Variants in LPXN observed in about 807,000 individuals in gnomAD.
LPXN encodes leupaxin.
LPXN carries 28 observed loss-of-function variants against 45.6 expected under a neutral mutation model. That is an observed-to-expected ratio of 0.61 (90% CI 0.45 to 0.84). The LOEUF (loss-of-function observed/expected upper bound fraction) is 0.84, where lower values mean the gene tolerates loss of function less well. Among genes scored for constraint, LPXN ranks in the 40% least tolerant of loss-of-function variants. The pLI is 0.00. For synonymous variants in LPXN, 166 were observed against 169.9 expected, an observed-to-expected ratio of 0.98 and a Z score of 0.18; for missense variants, 459 against 475.0, an observed-to-expected ratio of 0.97 and a Z score of 0.31.
chr11:58,578,373 G>A (rs896390695), upstream of LPXN, among the ~76,000 whole-genome samples: 5 of 152,164 alleles, frequency 3.3e-5, no homozygotes, highest in Admixed American at 1.3e-4. Context: ...TTTTCCTAAA[G>A]CCTAGGCGAA....
intron 1 of LPXN, among the ~76,000 whole-genome samples, chr11:58,574,575 A>G (rs866985614): frequency 1.3e-5 from 2 of 152,024 alleles, no homozygotes; most frequent in African/African-American, 4.8e-5. Flanking sequence ...ATCCCCCCCA[A>G]AAAAAAGAAA....
intron 7 of LPXN, among the ~76,000 whole-genome samples, chr11:58,541,651 A>C (rs1253673383): frequency 6.7e-6 from 1 of 150,362 alleles, no homozygotes; most frequent in Non-Finnish European, 1.5e-5. Flanking sequence ...AGGGATCTAG[A>C]ACTAGAAATA....
intron 7 of LPXN, among the ~76,000 whole-genome samples, chr11:58,534,474 A>C (rs1005115566): frequency 6.6e-6 from 1 of 152,256 alleles, no homozygotes; most frequent in African/African-American, 2.4e-5. Flanking sequence ...TTTGAAGCCA[A>C]TGAAAACAAA....
chr11:58,578,157 A>G, upstream of LPXN: 1 of 1,411,224 alleles, frequency 7.1e-7, no homozygotes, highest in East Asian at 2.6e-5. Context: ...GATAAAAAGT[A>G]AGAAAAAGTA....
At chr11:58,556,973 G>T (rs1341119699) in intron 3 of LPXN, among the ~76,000 whole-genome samples, 14 of 152,088 alleles carry the variant, frequency 9.2e-5, no homozygotes, top group Non-Finnish European at 1.5e-5. Flanking sequence ...AATCATCAGG[G>T]AAATGCAAAT....
chr11:58,543,337 G>A (rs938363765), intron 7 of LPXN, among the ~76,000 whole-genome samples: 3 of 152,108 alleles, frequency 2.0e-5, no homozygotes, highest in Non-Finnish European at 4.4e-5. Flanking sequence ...ATCTGCTCCC[G>A]AGTATATTGC....
In LPXN at chr11:58,554,841, C is replaced by T; in HGVS notation, c.318G>A (p.Lys106=). 1.2e-6 allele frequency: 2 copies of T among 1,610,244 alleles called. No homozygotes were observed. The highest frequency in any genetic ancestry group is 1.1e-5 in the South Asian group (1 of 90,950). ...TGCACTCACCTTGGCCTGCACTCAC[C>T]TTGGCCTGCATCTCAGTCAGGTGAG... ...LMAHLTEMQA[K]VAVRADAGKK... is the part of the protein sequence containing the mutation. The change falls in exon 4 of 9, where the codon AAG becomes AAA. Residue 106 remains lysine (K), a splice_region_variant and synonymous_variant. Transcript: ENST00000395074.
chr11:58,527,667 G>GA lies in LPXN; in HGVS notation c.947dup (p.Cys317LeufsTer2), dbSNP rs769793702. 8 of 1,614,054 alleles carry GA rather than the reference G, an allele frequency of 5.0e-6. No individual in the cohort carries two copies. In the African/African-American group the frequency reaches 9.3e-5, roughly 19 times the overall value. ...GGCGGTGATGGTAATGGAGCTCACAGAATGGACGTCCATCCAGTTCAAAGA... is the reference window on the plus strand; with the variant it reads ...GGCGGTGATGGTAATGGAGCTCACAGAAATGGACGTCCATCCAGTTCAAAGA... On this transcript the variant is annotated frameshift_variant, in exon 9 of 9. Transcript: ENST00000395074. LOFTEE classifies it high-confidence loss of function.
rs1041196535 is a variant in LPXN, at chr11:58,538,419, T to C, written c.743-10228A>G. Among the ~76,000 whole-genome samples the C allele has an allele frequency of 1.2e-4, 19 of 152,154 alleles. 1 individual carries two copies. The highest frequency in any genetic ancestry group is 4.1e-4 in the African/African-American group (17 of 41,478). On this transcript the variant is annotated intron_variant, in intron 7 of 8. Coordinates refer to ENST00000395074, the MANE Select transcript of LPXN (RefSeq NM_004811.3). ...GTAAAAGTGTTCCTATTTCTCCACA[T>C]CCTCTCCAGCACCTGTTGTTTCCTG...
At chr11:58,544,622 C>T (rs1468637852) in intron 7 of LPXN, among the ~76,000 whole-genome samples, 1 of 152,112 alleles carries the variant, frequency 6.6e-6, no homozygotes, top group Non-Finnish European at 1.5e-5. Flanking sequence ...TGCTGTGATA[C>T]CCCTGCATTT....
rs199902046 is a variant in LPXN, at chr11:58,550,030, G to A, written c.603C>T (p.Asn201=). 58 of 1,614,240 alleles carry A rather than the reference G, an allele frequency of 3.6e-5. No individual in the cohort carries two copies. In the Admixed American group the frequency reaches 3.7e-4, roughly 10 times the overall value. The change falls in exon 6 of 9, where the codon AAC becomes AAT. Residue 201 remains asparagine (N), a synonymous_variant. Coordinates refer to ENST00000395074, the MANE Select transcript of LPXN (RefSeq NM_004811.3). ...GTGGAGAAAAAAGTTGGTGGTAGTC[G>A]TTGGGGCAGTAGGCCAAGCCACTCC... ...FERSGLAYCP[N]DYHQLFSPRC...
intron 1 of LPXN, among the ~76,000 whole-genome samples, chr11:58,572,082 T>C (rs1020807046): frequency 2.0e-5 from 3 of 152,198 alleles, no homozygotes; most frequent in African/African-American, 7.2e-5. Flanking sequence ...AATGCATTAG[T>C]GGATCTCTAG....
At chr11:58,531,831 C>T (rs1163483161) in intron 7 of LPXN, among the ~76,000 whole-genome samples, 5 of 152,362 alleles carry the variant, frequency 3.3e-5, no homozygotes, top group East Asian at 3.9e-4. Context: ...TCCTTGGCCT[C>T]GGCATCCACT....
chr11:58,528,139 C>T lies in LPXN; in HGVS notation c.795G>A (p.Met265Ile), dbSNP rs1283507008. 2 of 1,614,084 alleles carry T rather than the reference C, an allele frequency of 1.2e-6. No individual in the cohort carries two copies. Among genetic ancestry groups the T allele is most frequent in the Non-Finnish European group, 1.7e-6 (2 of 1,180,038 alleles). Residue 265 changes from methionine (M) to isoleucine (I), a missense_variant, in exon 8 of 9, where the codon ATG (methionine) becomes ATA (isoleucine). Physicochemically the swap from Met to Ile is conservative, Grantham distance 10. Coordinates refer to ENST00000395074, the MANE Select transcript of LPXN (RefSeq NM_004811.3). ...KPYCRKDFLA[M>I]FSPKCGGCNR... ...TGCAGCCACCACACTTGGGTGAGAACATGGCTAAGAAATCCTTTCGGCAAT... is the reference window on the plus strand; with the variant it reads ...TGCAGCCACCACACTTGGGTGAGAATATGGCTAAGAAATCCTTTCGGCAAT...
chr11:58,566,695 T>G (rs1169074570), intron 2 of LPXN, among the ~76,000 whole-genome samples: 1 of 152,236 alleles, frequency 6.6e-6, no homozygotes, highest in Non-Finnish European at 1.5e-5. Context: ...AATTTGAGCT[T>G]CTTCCTTTGC....
At chr11:58,529,527 G>A (rs567882415) in intron 7 of LPXN, among the ~76,000 whole-genome samples, 51 of 150,382 alleles carry the variant, frequency 3.4e-4, no homozygotes, top group African/African-American at 1.1e-3. Context: ...GGAGAATGGC[G>A]TAAACCCGGG....
intron 7 of LPXN, among the ~76,000 whole-genome samples, chr11:58,544,186 C>T (rs980615654): frequency 1.3e-5 from 2 of 152,198 alleles, no homozygotes; most frequent in Non-Finnish European, 1.5e-5. Context: ...AACTGAATAC[C>T]GTAAGTCCTA....
chr11:58,547,751 A>C (rs1358497059), intron 7 of LPXN, among the ~76,000 whole-genome samples: 1 of 152,188 alleles, frequency 6.6e-6, no homozygotes, highest in Non-Finnish European at 1.5e-5. Flanking sequence ...CTAATGGCTT[A>C]GTTTTTGTGT....
intron 4 of LPXN, chr11:58,554,033 CG>C: frequency 6.5e-6 from 1 of 152,698 alleles, no homozygotes; most frequent in Non-Finnish European, 1.5e-5. Flanking sequence ...TCCTTTTGGC[CG>C]GGCGCAGTGG....
Sources: gnomAD v4.1 joint callset for allele counts (sites outside exome capture counted in the v4.1 genomes callset) on GRCh38, gnomAD v4.1.1 for gene constraint, MANE v1.5 for transcripts, NCBI Gene and HGNC (gene_info 2026-07-23, HGNC 2026-07-21) for gene names.